Variants in JAKMIP3 observed in about 807,000 individuals in gnomAD.
JAKMIP3 encodes Janus kinase and microtubule interacting protein 3.
A neutral mutation model predicts 118.5 loss-of-function variants in JAKMIP3; 58 were observed. The ratio of observed to expected loss-of-function variants is 0.49; its 90% CI spans 0.40 to 0.61. The LOEUF (loss-of-function observed/expected upper bound fraction) is 0.61. JAKMIP3 is among the 20% of genes least tolerant of loss of function. The probability of loss-of-function intolerance (pLI) is 0.00; values close to 1 mark genes in which losing one functional copy is unlikely to be tolerated. For missense variants in JAKMIP3, 950 were observed against 1,109.0 expected, an observed-to-expected ratio of 0.86 and a Z score of 2.04; for synonymous variants, 486 against 451.2, an observed-to-expected ratio of 1.08 and a Z score of -0.98.
At chr10:132,141,262 C>T (rs188548572) in intron 10 of JAKMIP3, among the ~76,000 whole-genome samples, 1 of 152,194 alleles carries the variant, frequency 6.6e-6, no homozygotes, top group Admixed American at 6.5e-5. Flanking sequence ...CTCACAGCCT[C>T]AGGTGCAGGG....
At chr10:132,051,119 T>C (rs1286145962) in intron 1 of JAKMIP3, among the ~76,000 whole-genome samples, 6 of 141,714 alleles carry the variant, frequency 4.2e-5, no homozygotes, top group African/African-American at 1.6e-4. Flanking sequence ...GCCGTTCTGG[T>C]GAGTGGGTAC....
At position 132,169,564 on chromosome 10, in the gene JAKMIP3, C is replaced by A. The variant is rs147771176; in HGVS notation, c.*1103+531C>A. Reference sequence around the variant, plus strand: ...TTCCCTATGGGAGGGTTTGTGGATCCGTTGTGTCTGTGGGACTCAGCGGGG... The same window carrying A: ...TTCCCTATGGGAGGGTTTGTGGATCAGTTGTGTCTGTGGGACTCAGCGGGG... On this transcript the variant is annotated intron_variant, in intron 23 of 23. Coordinates refer to ENST00000684848, the MANE Select transcript of JAKMIP3 (RefSeq NM_001323087.2). 1.5e-3 allele frequency among the ~76,000 whole-genome samples: 224 copies of A among 152,210 alleles called. 1 individual carries two copies. The highest frequency in any genetic ancestry group is 5.3e-3 in the African/African-American group (222 of 41,526).
At chr10:132,058,770 G>A (rs1204905354) in intron 1 of JAKMIP3, among the ~76,000 whole-genome samples, 1 of 152,224 alleles carries the variant, frequency 6.6e-6, no homozygotes, top group Non-Finnish European at 1.5e-5. Flanking sequence ...ACAGACGAGG[G>A]AGTCATATGT....
chr10:132,145,715 C>T, intron 13 of JAKMIP3, 135 bp downstream of exon 13: 1 of 730,184 alleles, frequency 1.4e-6, no homozygotes, highest in South Asian at 1.8e-5. Context: ...TTCTGCTCTG[C>T]TCCCTCCTGC....
chr10:132,166,915 A>G (rs1024125612), intron 21 of JAKMIP3, 68 bp from the exon 22 acceptor site: 14 of 1,124,808 alleles, frequency 1.2e-5, no homozygotes, highest in Admixed American at 4.1e-5. Context: ...ATTTCTTGCC[A>G]GAAGCACTAC....
chr10:132,178,776 C>T (rs1365575237), intron 23 of JAKMIP3, among the ~76,000 whole-genome samples: 6 of 152,322 alleles, frequency 3.9e-5, no homozygotes, highest in Admixed American at 6.5e-5. Flanking sequence ...GGCAGAGTTC[C>T]GGACCCCAGG....
chr10:132,062,937 C>T (rs1034816414), upstream of JAKMIP3, among the ~76,000 whole-genome samples: 92 of 152,270 alleles, frequency 6.0e-4, no homozygotes, highest in African/African-American at 2.1e-3. Context: ...ATGGCTGTGT[C>T]AGGACCTGCA....
chr10:132,181,820 G>A (rs1183786185), intron 23 of JAKMIP3, among the ~76,000 whole-genome samples: 1 of 138,846 alleles, frequency 7.2e-6, no homozygotes, highest in African/African-American at 3.0e-5. Flanking sequence ...CCTCACTCCC[G>A]CCCCTCTGCC....
intron 1 of JAKMIP3, among the ~76,000 whole-genome samples, chr10:132,046,748 G>T (rs1285527185): frequency 6.6e-6 from 1 of 152,172 alleles, no homozygotes; most frequent in Non-Finnish European, 1.5e-5. Context: ...TTCTCCTAAG[G>T]TTTTCTCAAC....
chr10:132,176,134 G>A (rs551339669), intron 23 of JAKMIP3, among the ~76,000 whole-genome samples: 65 of 152,322 alleles, frequency 4.3e-4, no homozygotes, highest in African/African-American at 1.2e-3. Context: ...CTGCCCCCCA[G>A]CACCTGCCCG....
At chr10:132,045,554 G>A (rs527504627) in intron 1 of JAKMIP3, among the ~76,000 whole-genome samples, 16 of 152,276 alleles carry the variant, frequency 1.1e-4, no homozygotes, top group East Asian at 9.7e-4. Flanking sequence ...CTGAGGTGTC[G>A]AGAGGGAAGT....
chr10:132,067,517 C>G (rs368177265), intron 1 of JAKMIP3, among the ~76,000 whole-genome samples: 39 of 152,370 alleles, frequency 2.6e-4, no homozygotes, highest in African/African-American at 8.9e-4. Context: ...CCTCTGCCCC[C>G]GTATTTTGGA....
Position 132,180,584 on chromosome 10 carries a change from C to CGTGCGTGTGT in JAKMIP3, c.*1104-1772_*1104-1771insTGCGTGTGTG, listed in dbSNP as rs1485915300. Among the ~76,000 whole-genome samples, 46 of 9,864 alleles carry CGTGCGTGTGT rather than the reference C, an allele frequency of 4.7e-3. 14 individuals carry two copies. Among genetic ancestry groups the CGTGCGTGTGT allele is most frequent in the African/African-American group, 0.02 (43 of 2,192 alleles). 6.5% of individuals were successfully genotyped at this position (9,864 alleles called of 152,430 possible). A position where few individuals can be genotyped will look rare whatever the true frequency, so the allele number is the denominator to read the frequency against. ...GTGTGTGTGCGTGTGTGTGTGCGTGCGCGTGTGTGTGTGCGTGCGCGTGTG... is the reference window on the plus strand; with the variant it reads ...GTGTGTGTGCGTGTGTGTGTGCGTGCGTGCGTGTGTGCGTGTGTGTGTGCGTGCGCGTGTG... On this transcript the variant is annotated intron_variant, in intron 23 of 23. Transcript: ENST00000684848.
At chr10:132,062,451 G>A (rs1382376996), upstream of JAKMIP3, among the ~76,000 whole-genome samples, 4 of 152,264 alleles carry the variant, frequency 2.6e-5, no homozygotes, top group African/African-American at 4.8e-5. Flanking sequence ...AACAGAACCC[G>A]CCTAACTCCC....
intron 2 of JAKMIP3, among the ~76,000 whole-genome samples, chr10:132,114,679 T>C (rs1368091397): frequency 1.3e-5 from 2 of 152,228 alleles, no homozygotes; most frequent in Non-Finnish European, 2.9e-5. Flanking sequence ...AATCTATAGA[T>C]CAATTTGGGG....
intron 1 of JAKMIP3, among the ~76,000 whole-genome samples, chr10:132,084,135 A>G (rs981011976): frequency 6.6e-6 from 1 of 152,128 alleles, no homozygotes; most frequent in African/African-American, 2.4e-5. Context: ...CAGTATGGGC[A>G]TGTTTACAAT....
rs138755886 is a variant in JAKMIP3, at chr10:132,163,364, C to T, written c.2376C>T (p.Asp792=). Residue 792 remains aspartate (D), a synonymous_variant, in exon 20 of 24, where the codon GAC becomes GAT. Coordinates refer to ENST00000684848, the MANE Select transcript of JAKMIP3 (RefSeq NM_001323087.2). ...RQVMSELRER[D]AQILRERMEL... is the part of the protein sequence containing the mutation. Reference sequence around the variant, plus strand: ...TCATGAGTGAGCTGCGCGAGCGGGACGCCCAGATCCTGCGGGAGCGCATGG... The same window carrying T: ...TCATGAGTGAGCTGCGCGAGCGGGATGCCCAGATCCTGCGGGAGCGCATGG... 3.4e-5 allele frequency: 55 copies of T among 1,608,408 alleles called. No homozygotes were observed. Among genetic ancestry groups the T allele is most frequent in the South Asian group, 9.9e-5 (9 of 90,528 alleles).
Position 132,180,744 on chromosome 10 carries a change from T to C in JAKMIP3, c.*1104-1613T>C, listed in dbSNP as rs1224108560. On this transcript the variant is annotated intron_variant, in intron 23 of 23. Transcript: ENST00000684848. ...GCGTGTGTGTGCGTGTGTGCGTGCGTGCGCGCGCGTGTGTGCGTGTGTGTG... is the reference window on the plus strand; with the variant it reads ...GCGTGTGTGTGCGTGTGTGCGTGCGCGCGCGCGCGTGTGTGCGTGTGTGTG... 8.5e-3 allele frequency among the ~76,000 whole-genome samples: 187 copies of C among 21,912 alleles called. 48 individuals are homozygous for C. Among genetic ancestry groups the C allele is most frequent in the South Asian group, 0.037 (16 of 430 alleles). The allele number at this position is 21,912 out of a possible 152,430, so 14.4% of individuals were successfully genotyped here.
intron 1 of JAKMIP3, among the ~76,000 whole-genome samples, chr10:132,050,538 A>G (rs1368556289): frequency 6.6e-6 from 1 of 151,768 alleles, no homozygotes; most frequent in African/African-American, 2.4e-5. Flanking sequence ...AGTTTTTGGC[A>G]CTCTCCAGCT....
Sources: allele counts gnomAD v4.1 joint callset (sites outside exome capture counted in the v4.1 genomes callset), GRCh38; gene constraint gnomAD v4.1.1; transcripts MANE v1.5; gene names NCBI Gene and HGNC (gene_info 2026-07-23, HGNC 2026-07-21).